The following CACNA1E variants were observed in gnomAD, a reference collection of about 807,000 sequenced individuals.
CACNA1E encodes calcium voltage-gated channel subunit alpha1 E, also known as voltage-dependent R-type calcium channel subunit alpha-1E.
CACNA1E carries 40 observed loss-of-function variants against 259.2 expected under a neutral mutation model. The observed-to-expected ratio is 0.15, with a 90% CI of 0.12 to 0.20. CACNA1E has a LOEUF of 0.20. CACNA1E is among the 10% of genes least tolerant of loss of function. The pLI is 1.00. For missense variants in CACNA1E, 1,874 were observed against 3,040.1 expected (o/e 0.62, Z 9.02); for synonymous variants, 1,104 against 1,138.5 (o/e 0.97, Z 0.61).
At chr1:181,675,315 G>T (rs904860399) in intron 7 of CACNA1E, among the ~76,000 whole-genome samples, 1 of 152,188 alleles carries the variant, frequency 6.6e-6, no homozygotes, top group African/African-American at 2.4e-5. Context: ...GTGACTGGGA[G>T]TCTAAGAATA....
At chr1:181,557,579 G>C (rs1418105105) in intron 3 of CACNA1E, among the ~76,000 whole-genome samples, 1 of 152,164 alleles carries the variant, frequency 6.6e-6, no homozygotes, top group Non-Finnish European at 1.5e-5. Context: ...GATTGCCTCC[G>C]AGTTCAGAAC....
chr1:181,448,167 C>T (rs1002954472), intron 2 of CACNA1E, among the ~76,000 whole-genome samples: 1 of 152,144 alleles, frequency 6.6e-6, no homozygotes, highest in Non-Finnish European at 1.5e-5. Flanking sequence ...ATTCTGTGTA[C>T]CACATATGAT....
At chr1:181,729,155 A>T (rs1182947151) in intron 18 of CACNA1E, among the ~76,000 whole-genome samples, 340 of 41,546 alleles carry the variant, frequency 8.2e-3, no homozygotes, top group Middle Eastern at 0.021. Context: ...CAGATGTGTG[A>T]ACATTGCTCA....
chr1:181,549,033 G>T (rs1385293465), intron 3 of CACNA1E, among the ~76,000 whole-genome samples: 1 of 152,194 alleles, frequency 6.6e-6, no homozygotes, highest in East Asian at 1.9e-4. Flanking sequence ...CAGCCGGAAA[G>T]GGGAATCATT....
intron 17 of CACNA1E, among the ~76,000 whole-genome samples, 187 bp from the exon 18 acceptor site, chr1:181,725,878 C>A (rs757141218): frequency 1.3e-5 from 2 of 152,246 alleles, no homozygotes; most frequent in Non-Finnish European, 2.9e-5. Context: ...TACTGACTCC[C>A]AAGGGGCCTG....
intron 7 of CACNA1E, among the ~76,000 whole-genome samples, chr1:181,687,103 G>C (rs1650657539): frequency 6.6e-6 from 1 of 152,156 alleles, no homozygotes; most frequent in Admixed American, 6.5e-5. Context: ...TTCAAGAGAG[G>C]AGCACAGAAG....
chr1:181,566,427 T>C (rs961822971), intron 3 of CACNA1E, among the ~76,000 whole-genome samples: 19 of 152,250 alleles, frequency 1.2e-4, no homozygotes, highest in Non-Finnish European at 2.4e-4. Context: ...ACAGAGTTTT[T>C]CTCCATCTCT....
chr1:181,436,631 T>C (rs1258889781), intron 2 of CACNA1E, among the ~76,000 whole-genome samples: 1 of 152,200 alleles, frequency 6.6e-6, no homozygotes, highest in African/African-American at 2.4e-5. Context: ...TCATATGAGC[T>C]CACTTATATG....
intron 1 of CACNA1E, among the ~76,000 whole-genome samples, chr1:181,506,912 C>T (rs2102597828): frequency 6.6e-6 from 1 of 152,242 alleles, no homozygotes; most frequent in Middle Eastern, 3.4e-3. Context: ...CCCACAGTTA[C>T]ACAGAATCTC....
In CACNA1E at chr1:181,598,234, G is replaced by C. The variant is rs112300971; in HGVS notation, c.951+17458G>C. 3.7e-3 allele frequency among the ~76,000 whole-genome samples: 571 copies of C among 152,326 alleles called. 3 individuals carry two copies. The highest frequency in any genetic ancestry group is 0.013 in the African/African-American group (553 of 41,568). On this transcript the variant is annotated intron_variant, in intron 6 of 47. Coordinates refer to ENST00000367573, the MANE Select transcript of CACNA1E (RefSeq NM_001205293.3). Reference sequence around the variant, plus strand: ...GACCGATTACCAGGGCCCGTGTTAGGCATTGGATGGTGGAAGAGCTTTTGC... The same window carrying C: ...GACCGATTACCAGGGCCCGTGTTAGCCATTGGATGGTGGAAGAGCTTTTGC...
chr1:181,489,229 A>G (rs956342118), intron 1 of CACNA1E, among the ~76,000 whole-genome samples: 3 of 152,126 alleles, frequency 2.0e-5, no homozygotes, highest in Non-Finnish European at 4.4e-5. Context: ...ATTAATATCC[A>G]TTTATTCAGA....
intron 6 of CACNA1E, among the ~76,000 whole-genome samples, chr1:181,617,858 T>A (rs1655365716): frequency 6.6e-6 from 1 of 152,242 alleles, no homozygotes; most frequent in African/African-American, 2.4e-5. Context: ...ATTAGGGCTT[T>A]GCATGTCATC....
chr1:181,333,948 G>A (rs973337312), intron 1 of CACNA1E, among the ~76,000 whole-genome samples: 7 of 152,170 alleles, frequency 4.6e-5, no homozygotes, highest in African/African-American at 1.7e-4. Context: ...GAGCCACTAC[G>A]CCCAGCCATT....
At position 181,331,414 on chromosome 1, in the gene CACNA1E, T is replaced by A. The variant is rs560948418; in HGVS notation, c.-15+13291T>A. Among the ~76,000 whole-genome samples, 12 of 152,204 alleles carry A rather than the reference T, an allele frequency of 7.9e-5. No homozygotes were observed. The South Asian group carries it at 1.0e-3, about 13-fold the overall frequency. On this transcript the variant is annotated intron_variant, in intron 1 of 11. Coordinates refer to the CACNA1E transcript ENST00000524607. ...CTGGAAGGACGGTGGCTGGTATAAGTCCTGGAATCCAAAGAGTGGAGAGCC... is the reference window on the plus strand; with the variant it reads ...CTGGAAGGACGGTGGCTGGTATAAGACCTGGAATCCAAAGAGTGGAGAGCC...
chr1:181,680,451 T>C (rs1649836547), intron 7 of CACNA1E, among the ~76,000 whole-genome samples: 1 of 152,122 alleles, frequency 6.6e-6, no homozygotes, highest in Non-Finnish European at 1.5e-5. Flanking sequence ...GAGTGAAAAC[T>C]GCCACAGTGA....
At chr1:181,671,040 A>G (rs1282820742) in intron 7 of CACNA1E, among the ~76,000 whole-genome samples, 4 of 152,120 alleles carry the variant, frequency 2.6e-5, no homozygotes, top group African/African-American at 9.7e-5. Context: ...ATTTATTATT[A>G]TTGTTATTAT....
rs1317769907 is a variant in CACNA1E, at chr1:181,807,552, A to G, written c.*8718A>G. 1 of 151,856 alleles carries G rather than the reference A, an allele frequency of 6.6e-6. No homozygotes were observed. Among genetic ancestry groups the G allele is most frequent in the African/African-American group, 2.4e-5 (1 of 41,352 alleles). The allele number at this position is 151,856 out of a possible 1,614,324, so 9.4% of individuals were successfully genotyped here. On this transcript the variant is annotated 3_prime_UTR_variant, in exon 48 of 48. Coordinates refer to ENST00000367573, the MANE Select transcript of CACNA1E (RefSeq NM_001205293.3). ...TGCCACTCCGAGAACTGTCTGCTTC[A>G]TTCTGCTTGAGGAGATATCTTCACC...
intron 7 of CACNA1E, among the ~76,000 whole-genome samples, chr1:181,694,091 G>C (rs903931583): frequency 8.5e-5 from 13 of 152,180 alleles, no homozygotes; most frequent in Admixed American, 8.5e-4. Flanking sequence ...AATGTCCATT[G>C]TGAATGTAAA....
At chr1:181,589,658 G>A (rs1652437037) in intron 6 of CACNA1E, among the ~76,000 whole-genome samples, 4 of 152,190 alleles carry the variant, frequency 2.6e-5, no homozygotes, top group South Asian at 4.2e-4. Flanking sequence ...GTTCAAGGCT[G>A]CAGTGTGCTA....
Sources: allele counts gnomAD v4.1 joint callset (sites outside exome capture counted in the v4.1 genomes callset), GRCh38; gene constraint gnomAD v4.1.1; transcripts MANE v1.5; gene names NCBI Gene and HGNC (gene_info 2026-07-23, HGNC 2026-07-21).